Variants in IL1RAPL1 observed in about 807,000 individuals in gnomAD.
The protein encoded by IL1RAPL1 is interleukin-1 receptor accessory protein-like 1.
A neutral mutation model predicts 48.4 loss-of-function variants in IL1RAPL1; 3 were observed. That is an observed-to-expected ratio of 0.06 (90% CI 0.03 to 0.16). IL1RAPL1 has a LOEUF of 0.16. Among genes scored for constraint, IL1RAPL1 ranks in the 10% least tolerant of loss-of-function variants. IL1RAPL1 has a pLI of 1.00. For synonymous variants in IL1RAPL1, 185 were observed against 187.7 expected, an observed-to-expected ratio of 0.99 and a Z score of 0.12; for missense variants, 349 against 530.6, an observed-to-expected ratio of 0.66 and a Z score of 3.36.
chrX:29,221,620 TACACACACACACACACACAC>T (rs35088625), intron 2 of IL1RAPL1, among the ~76,000 whole-genome samples: 1,128 of 79,541 alleles, frequency 0.014, 11 homozygotes, highest in African/African-American at 0.021. Flanking sequence ...TACACACACA[TACACACACACACACACACAC>T]ACACACACAC....
intron 2 of IL1RAPL1, among the ~76,000 whole-genome samples, chrX:29,057,090 A>G (rs1000479024): frequency 6.3e-5 from 7 of 111,908 alleles, no homozygotes; most frequent in African/African-American, 2.3e-4. Flanking sequence ...TAAAGTGCCA[A>G]AGGAATCTCA....
chrX:29,765,186 C>T (rs1423943801), intron 6 of IL1RAPL1, among the ~76,000 whole-genome samples: 1 of 109,154 alleles, frequency 9.2e-6, no homozygotes, highest in Non-Finnish European at 1.9e-5. Flanking sequence ...CCTTTTATAA[C>T]AGGTAAAACT....
chrX:29,240,338 G>T (rs1931400715), intron 2 of IL1RAPL1, among the ~76,000 whole-genome samples: 1 of 96,069 alleles, frequency 1.0e-5, no homozygotes, highest in Non-Finnish European at 2.0e-5. Flanking sequence ...AGGTTCAAGC[G>T]ATTTTCCTGC....
At chrX:29,480,291 CATATATAT>C (rs61703733) in intron 5 of IL1RAPL1, among the ~76,000 whole-genome samples, 4 of 76,572 alleles carry the variant, frequency 5.2e-5, no homozygotes, top group East Asian at 4.2e-4. Flanking sequence ...CACACATATA[CATATATAT>C]ATATATATAT....
chrX:29,725,759 A>G (rs1927760314), intron 6 of IL1RAPL1, among the ~76,000 whole-genome samples: 1 of 112,330 alleles, frequency 8.9e-6, no homozygotes, highest in Non-Finnish European at 1.9e-5. Context: ...CTGTGTCTAT[A>G]TACTAGACTG....
At chrX:28,589,816 A>G (rs974548011) in intron 1 of IL1RAPL1, among the ~76,000 whole-genome samples, 1 of 111,509 alleles carries the variant, frequency 9.0e-6, no homozygotes, top group African/African-American at 3.3e-5. Context: ...AACCATGACA[A>G]TCTCTTTCTG....
intron 5 of IL1RAPL1, among the ~76,000 whole-genome samples, chrX:29,660,617 C>T (rs1205695785): frequency 9.0e-6 from 1 of 111,723 alleles, no homozygotes; most frequent in Non-Finnish European, 1.9e-5. Flanking sequence ...GTTCCTGGTG[C>T]CTTTGTAAAA....
intron 2 of IL1RAPL1, among the ~76,000 whole-genome samples, chrX:29,127,266 C>T (rs1478687870): frequency 9.0e-6 from 1 of 110,742 alleles, no homozygotes; most frequent in Non-Finnish European, 1.9e-5. Flanking sequence ...ACATCAGAAT[C>T]ACCTGGATGG....
intron 8 of IL1RAPL1, among the ~76,000 whole-genome samples, chrX:29,926,565 A>C (rs1211467646): frequency 2.7e-5 from 3 of 112,155 alleles, no homozygotes; most frequent in African/African-American, 9.7e-5. Context: ...TACCAAACCC[A>C]CTTAGTAAAT....
intron 6 of IL1RAPL1, among the ~76,000 whole-genome samples, chrX:29,781,156 A>T (rs2147156620): frequency 8.9e-6 from 1 of 112,304 alleles, no homozygotes; most frequent in South Asian, 3.7e-4. Flanking sequence ...TGAGCTAATC[A>T]TCCTCTTTTT....
intron 1 of IL1RAPL1, among the ~76,000 whole-genome samples, chrX:28,768,802 A>G (rs1161468846): frequency 1.6e-5 from 1 of 63,198 alleles, no homozygotes; most frequent in African/African-American, 6.7e-5. Context: ...ATATACAGAC[A>G]TTATATATAT....
chrX:28,615,924 T>A (rs932184201), intron 1 of IL1RAPL1, among the ~76,000 whole-genome samples: 1 of 111,997 alleles, frequency 8.9e-6, no homozygotes, highest in African/African-American at 3.2e-5. Flanking sequence ...TAAACTAAAA[T>A]GTCAAAAATA....
intron 2 of IL1RAPL1, among the ~76,000 whole-genome samples, chrX:29,191,273 G>A (rs1302973206): frequency 8.9e-6 from 1 of 111,819 alleles, no homozygotes; most frequent in South Asian, 3.7e-4. Flanking sequence ...CGTATATAAT[G>A]TAATAAACAG....
intron 2 of IL1RAPL1, among the ~76,000 whole-genome samples, chrX:28,910,601 G>A (rs774826338): frequency 2.8e-5 from 3 of 106,183 alleles, no homozygotes; most frequent in Admixed American, 1.0e-4. Flanking sequence ...AAAACGTTTT[G>A]TAAAGCTTTT....
intron 5 of IL1RAPL1, among the ~76,000 whole-genome samples, chrX:29,645,925 C>G (rs770950439): frequency 8.9e-6 from 1 of 112,249 alleles, no homozygotes; most frequent in African/African-American, 3.2e-5. Flanking sequence ...TACCGGACAA[C>G]CTTTTCAAAA....
intron 6 of IL1RAPL1, among the ~76,000 whole-genome samples, chrX:29,725,341 T>A (rs7883823): frequency 0.16 from 17,936 of 110,543 alleles, 1,573 homozygotes; most frequent in African/African-American, 0.33. Context: ...TGTTCCTCCA[T>A]TATATGAGGT....
chrX:29,275,867 A>G (rs973304746), intron 2 of IL1RAPL1, among the ~76,000 whole-genome samples: 1 of 112,356 alleles, frequency 8.9e-6, no homozygotes. Flanking sequence ...ACTTTAATGC[A>G]TGATTATTTT....
At chrX:28,644,585 G>A (rs1466186727) in intron 1 of IL1RAPL1, among the ~76,000 whole-genome samples, 1 of 111,206 alleles carries the variant, frequency 9.0e-6, no homozygotes, top group East Asian at 2.8e-4. Flanking sequence ...GAGGTTCCCT[G>A]GATGAGGAGA....
intron 5 of IL1RAPL1, among the ~76,000 whole-genome samples, chrX:29,446,935 A>C (rs751102095): frequency 4.5e-5 from 5 of 111,550 alleles, no homozygotes; most frequent in Non-Finnish European, 9.4e-5. Flanking sequence ...TCATCAGTGT[A>C]TTACTGAATT....
Sources: gnomAD v4.1 joint callset for allele counts (sites outside exome capture counted in the v4.1 genomes callset) on GRCh38, gnomAD v4.1.1 for gene constraint, MANE v1.5 for transcripts, NCBI Gene and HGNC (gene_info 2026-07-23, HGNC 2026-07-21) for gene names.